POTEI: variants seen among roughly 807,000 people sequenced by gnomAD.
POTEI encodes POTE ankyrin domain family, member I.
A neutral mutation model predicts 43.4 loss-of-function variants in POTEI; 14 were observed. The observed-to-expected ratio is 0.32, with a 90% CI of 0.21 to 0.50. POTEI has a LOEUF of 0.50. POTEI is among the 20% of genes least tolerant of loss of function. POTEI has a pLI of 0.98. For synonymous variants in POTEI, 95 were observed against 297.9 expected (o/e 0.32, Z 7.01); for missense variants, 235 against 795.4 (o/e 0.30, Z 8.47).
intron 1 of POTEI, among the ~76,000 whole-genome samples, chr2:130,507,294 A>ATATATATATATATG (rs1684192789): frequency 1.1e-3 from 11 of 10,338 alleles, no homozygotes; most frequent in African/African-American, 1.3e-3. Context: ...ATATATATAT[A>ATATATATATATATG]TATATATATA....
At chr2:130,491,839 G>C (rs1303016619) in intron 6 of POTEI, among the ~76,000 whole-genome samples, 2 of 56,106 alleles carry the variant, frequency 3.6e-5, no homozygotes, top group Non-Finnish European at 8.5e-5. Flanking sequence ...GTTTTTAGTA[G>C]AGACGGGGTT....
chr2:130,496,743 T>C, intron 5 of POTEI, 121 bp from the exon 6 acceptor site: 1 of 732,120 alleles, frequency 1.4e-6, no homozygotes, highest in Non-Finnish European at 2.2e-6. Flanking sequence ...TTAATAGTAT[T>C]ATCCCATCCA....
At chr2:130,488,561 A>G (rs1345772764) in intron 8 of POTEI, among the ~76,000 whole-genome samples, 2 of 123,652 alleles carry the variant, frequency 1.6e-5, no homozygotes, top group African/African-American at 3.0e-5. Flanking sequence ...AAAGACAAAG[A>G]TGCAAAATGT....
rs866968453 is a variant in POTEI, at chr2:130,504,920, T to G, written c.522-1026A>C. On this transcript the variant is annotated intron_variant, in intron 1 of 14. Coordinates refer to ENST00000451531, the MANE Select transcript of POTEI (RefSeq NM_001277406.2). ...ACTATTTGTGGAGCTTTTTTCAACT[T>G]TTACATTCAGGGATACATGTGCTGG... Among the ~76,000 whole-genome samples, 1,114 of 119,600 alleles carry G rather than the reference T, an allele frequency of 9.3e-3. 3 individuals are homozygous for G. Among genetic ancestry groups the G allele is most frequent in the African/African-American group, 0.03 (1,003 of 33,708 alleles). The allele number at this position is 119,600 out of a possible 152,430, so 78.5% of individuals were successfully genotyped here. A position where few individuals can be genotyped will look rare whatever the true frequency, so the allele number is the denominator to read the frequency against.
intron 6 of POTEI, 105 bp downstream of exon 6, chr2:130,496,447 C>T: frequency 6.0e-6 from 4 of 671,586 alleles, no homozygotes; most frequent in Non-Finnish European, 9.5e-6. Context: ...AAACCATCCC[C>T]ACCTTCCCCC....
chr2:130,507,313 TATATACACAC>T (rs1255472006), intron 1 of POTEI, among the ~76,000 whole-genome samples: 68 of 8,618 alleles, frequency 7.9e-3, no homozygotes, highest in South Asian at 0.029. Context: ...TATATATATA[TATATACACAC>T]ACACACACAC....
Position 130,508,904 on chromosome 2 carries a change from C to T in POTEI, c.332G>A (p.Gly111Glu), listed in dbSNP as rs755160831. The T allele has an allele frequency of 2.9e-5, 47 of 1,593,980 alleles. 2 individuals are homozygous for T. Among genetic ancestry groups the T allele is most frequent in the Non-Finnish European group, 3.9e-5 (46 of 1,173,584 alleles). ...WCCHCFPCCR[G>E]SGKSNVGAWG... ...AGCACCCACGTTGCTCTTGCCGCTC[C>T]CCCTGCAGCAGGGGAAGCAGTGGCA... Residue 111 changes from glycine (G) to glutamate (E), a missense_variant, in exon 1 of 15, where the codon GGG becomes GAG. Physicochemically the swap from Gly to Glu is moderately conservative, Grantham distance 98. Coordinates refer to ENST00000451531, the MANE Select transcript of POTEI (RefSeq NM_001277406.2).
intron 13 of POTEI, among the ~76,000 whole-genome samples, chr2:130,466,476 AT>A (rs1682832022): frequency 8.3e-6 from 1 of 120,532 alleles, no homozygotes; most frequent in Admixed American, 8.3e-5. Flanking sequence ...TATATTCTTG[AT>A]TCCTATGTAT....
chr2:130,479,371 C>T (rs570148886), intron 10 of POTEI, among the ~76,000 whole-genome samples: 29 of 137,486 alleles, frequency 2.1e-4, no homozygotes, highest in East Asian at 4.5e-4. Flanking sequence ...TCACCATGGA[C>T]GGGTGAAAAC....
At chr2:130,491,815 C>T (rs1573930819) in intron 6 of POTEI, among the ~76,000 whole-genome samples, 2 of 97,898 alleles carry the variant, frequency 2.0e-5, no homozygotes, top group Admixed American at 1.2e-4. Context: ...CCATCATGCC[C>T]TGCTAATTTT....
intron 10 of POTEI, among the ~76,000 whole-genome samples, chr2:130,477,412 T>G (rs1683238161): frequency 6.7e-6 from 1 of 149,620 alleles, no homozygotes; most frequent in African/African-American, 2.5e-5. Flanking sequence ...GTGCTGGGAT[T>G]ACAGGTGTGA....
Position 130,480,479 on chromosome 2 carries a change from G to A in POTEI, c.1480+1524C>T, listed in dbSNP as rs558325897. On this transcript the variant is annotated intron_variant, in intron 10 of 14. Transcript: ENST00000451531. ...GCACTTGCTGCTCTTCCTCCCAAAC[G>A]GGCAATCTCATTAGATGTTCCTTCT... Among the ~76,000 whole-genome samples, 407 of 150,262 alleles carry A rather than the reference G, an allele frequency of 2.7e-3. 1 individual carries two copies. Among genetic ancestry groups the A allele is most frequent in the African/African-American group, 9.2e-3 (374 of 40,832 alleles).
chr2:130,486,956 T>C (rs1425490094), intron 9 of POTEI, among the ~76,000 whole-genome samples: 1 of 102,176 alleles, frequency 9.8e-6, no homozygotes, highest in African/African-American at 3.4e-5. Flanking sequence ...AATATTCAGA[T>C]TGAGGGTCCA....
chr2:130,486,621 G>T (rs1400627829), intron 9 of POTEI, among the ~76,000 whole-genome samples: 1,023 of 74,746 alleles, frequency 0.014, 7 homozygotes, highest in African/African-American at 0.05. Flanking sequence ...AATTAGCTGG[G>T]TGTGATGTTG....
rs1683828594 is a variant in POTEI, at chr2:130,493,782, C to A, written c.1126+2770G>T. On this transcript the variant is annotated intron_variant, in intron 6 of 14. Coordinates refer to ENST00000451531, the MANE Select transcript of POTEI (RefSeq NM_001277406.2). Reference sequence around the variant, plus strand: ...GGCTTTTATTTAAAAAAAAAGCCTGCCAACTATTAATGTTATTTCTTACAT... The same window carrying A: ...GGCTTTTATTTAAAAAAAAAGCCTGACAACTATTAATGTTATTTCTTACAT... Among the ~76,000 whole-genome samples, 2 of 39,480 alleles carry A rather than the reference C, an allele frequency of 5.1e-5. 1 individual carries two copies. The highest frequency in any genetic ancestry group is 1.4e-4 in the African/African-American group (2 of 14,768). 25.9% of individuals were successfully genotyped at this position (39,480 alleles called of 152,430 possible). A position where few individuals can be genotyped will look rare whatever the true frequency, so the allele number is the denominator to read the frequency against.
chr2:130,479,284 A>T lies in POTEI; in HGVS notation c.1481-2583T>A, dbSNP rs973393759. ...TTATTTCTTACAGGAAAAAAAAATT[A>T]AGCAAAACAAGTGAAAAAGGCATAA... On this transcript the variant is annotated intron_variant, in intron 10 of 14. Coordinates refer to ENST00000451531, the MANE Select transcript of POTEI (RefSeq NM_001277406.2). Among the ~76,000 whole-genome samples the T allele has an allele frequency of 6.7e-4, 102 of 151,332 alleles. 1 individual carries two copies. Among genetic ancestry groups the T allele is most frequent in the Admixed American group, 6.6e-4 (10 of 15,236 alleles).
At chr2:130,467,955 A>G (rs1682894256) in intron 13 of POTEI, among the ~76,000 whole-genome samples, 1 of 137,414 alleles carries the variant, frequency 7.3e-6, no homozygotes, top group Non-Finnish European at 1.6e-5. Context: ...TTAGAAATCA[A>G]AAAACAACAG....
rs1380000524 is a variant in POTEI at position 130,507,232 on chromosome 2, C to T, written c.521+1483G>A. 1.9e-3 allele frequency among the ~76,000 whole-genome samples: 134 copies of T among 71,632 alleles called. 6 individuals carry two copies. The highest frequency in any genetic ancestry group is 2.9e-3 in the Non-Finnish European group (99 of 34,098). 47.0% of individuals were successfully genotyped at this position (71,632 alleles called of 152,430 possible). A position where few individuals can be genotyped will look rare whatever the true frequency, so the allele number is the denominator to read the frequency against. On this transcript the variant is annotated intron_variant, in intron 1 of 14. Coordinates refer to ENST00000451531, the MANE Select transcript of POTEI (RefSeq NM_001277406.2). ...TGAGCCGAGATCACACCACTGCACTCCAGCTTGGGCTACAGAGTGAGACTC... is the reference window on the plus strand; with the variant it reads ...TGAGCCGAGATCACACCACTGCACTTCAGCTTGGGCTACAGAGTGAGACTC...
chr2:130,468,918 A>G (rs1682954740), intron 13 of POTEI, among the ~76,000 whole-genome samples: 2 of 152,090 alleles, frequency 1.3e-5, no homozygotes, highest in Admixed American at 1.3e-4. Context: ...TAACAATATC[A>G]CTAGTATTGT....
Sources: allele counts gnomAD v4.1 joint callset (sites outside exome capture counted in the v4.1 genomes callset), GRCh38; gene constraint gnomAD v4.1.1; transcripts MANE v1.5; gene names NCBI Gene and HGNC (gene_info 2026-07-23, HGNC 2026-07-21).